The following ANK2 variants were observed in gnomAD, a reference collection of about 807,000 sequenced individuals.
The protein encoded by ANK2 is ankyrin 2.
In ANK2, 83 loss-of-function variants were observed where a neutral mutation model predicts 360.5. That is an observed-to-expected ratio of 0.23 (90% CI 0.19 to 0.28). ANK2 has a LOEUF of 0.28. Ranked by LOEUF, ANK2 falls within the 10% of genes least tolerant of loss-of-function variation. The pLI, the probability that ANK2 is intolerant of heterozygous loss-of-function variation, is 1.00. For missense variants in ANK2, 4,201 were observed against 4,795.7 expected (o/e 0.88, Z 3.66); for synonymous variants, 1,740 against 1,759.5 (o/e 0.99, Z 0.28).
chr4:113,070,140 C>T (rs935043010), intron 1 of ANK2: 5 of 152,116 alleles, frequency 3.3e-5, no homozygotes, highest in African/African-American at 9.7e-5. Context: ...ATAAACTCTC[C>T]GCTCCATGCC....
chr4:112,749,533 A>G, the ANK2 span, among the ~76,000 whole-genome samples: 1 of 152,184 alleles, frequency 6.6e-6, no homozygotes, highest in East Asian at 1.9e-4. Flanking sequence ...ACTTTTTCAG[A>G]GTCAGCAGTC....
intron 4 of ANK2, among the ~76,000 whole-genome samples, chr4:113,221,591 G>A (rs1204385460): frequency 1.3e-5 from 2 of 151,674 alleles, no homozygotes; most frequent in African/African-American, 4.8e-5. Context: ...CCCGGGAGGC[G>A]GAGGTTCCAG....
rs556100459 is a variant in ANK2, at chr4:113,039,821, T to C, written c.22-134595T>C. 5.9e-5 allele frequency among the ~76,000 whole-genome samples: 9 copies of C among 152,130 alleles called. No homozygotes were observed. The South Asian group carries it at 1.2e-3, about 21-fold the overall frequency. Reference sequence around the variant, plus strand: ...CTAACATTGGGATTCTTTGTCTTCTTGTAAATTCCATCACTCCATGGGTAC... The same window carrying C: ...CTAACATTGGGATTCTTTGTCTTCTCGTAAATTCCATCACTCCATGGGTAC... On this transcript the variant is annotated intron_variant, in intron 2 of 30. Transcript: ENST00000503271.
chr4:112,924,102 G>A (rs1270182647), intron 2 of ANK2, among the ~76,000 whole-genome samples: 1 of 152,072 alleles, frequency 6.6e-6, no homozygotes, highest in African/African-American at 2.4e-5. Context: ...TGGCGCAGTG[G>A]CTCACGCCTG....
At chr4:112,822,016 C>T (rs968806875) in intron 1 of ANK2, among the ~76,000 whole-genome samples, 2 of 152,060 alleles carry the variant, frequency 1.3e-5, no homozygotes, top group African/African-American at 2.4e-5. Context: ...GATCCACCCG[C>T]CTCAGCCTCC....
intron 2 of ANK2, among the ~76,000 whole-genome samples, chr4:113,036,224 C>A: frequency 6.7e-6 from 1 of 148,742 alleles, no homozygotes; most frequent in Non-Finnish European, 1.5e-5. Flanking sequence ...TGAAATGTAG[C>A]TTCATAGATT....
chr4:112,777,652 C>G, the ANK2 span, among the ~76,000 whole-genome samples: 2 of 145,126 alleles, frequency 1.4e-5, no homozygotes, highest in Non-Finnish European at 3.0e-5. Flanking sequence ...GAGTCTCGCT[C>G]TGTCACCCAG....
chr4:112,777,393 C>T, the ANK2 span, among the ~76,000 whole-genome samples: 1 of 152,118 alleles, frequency 6.6e-6, no homozygotes, highest in South Asian at 2.1e-4. Flanking sequence ...CACCTGCCAC[C>T]ACGTCCAGCT....
chr4:113,220,451 C>A (rs1001809417), intron 4 of ANK2, among the ~76,000 whole-genome samples: 1 of 152,146 alleles, frequency 6.6e-6, no homozygotes, highest in East Asian at 1.9e-4. Context: ...ACTTCTATAG[C>A]TTGGATATTC....
intron 2 of ANK2, among the ~76,000 whole-genome samples, chr4:113,038,061 C>G (rs943014992): frequency 1.3e-5 from 2 of 152,004 alleles, no homozygotes; most frequent in Admixed American, 6.6e-5. Context: ...TTATGATATA[C>G]TTTTGTTTCA....
intron 2 of ANK2, among the ~76,000 whole-genome samples, chr4:112,913,326 T>G (rs537176893): frequency 2.0e-5 from 3 of 152,232 alleles, no homozygotes; most frequent in Non-Finnish European, 4.4e-5. Flanking sequence ...TAATTATTTT[T>G]CCTGTTGAAT....
chr4:112,961,838 TAATGACTTGA>T (rs558676533), intron 2 of ANK2, among the ~76,000 whole-genome samples: 356 of 152,266 alleles, frequency 2.3e-3, no homozygotes, highest in Non-Finnish European at 4.2e-3. Context: ...CTGCCCATTA[TAATGACTTGA>T]AAACCTCTAA....
At chr4:113,190,731 A>G (rs2098647340) in intron 2 of ANK2, among the ~76,000 whole-genome samples, 1 of 152,168 alleles carries the variant, frequency 6.6e-6, no homozygotes. Context: ...ATAACTCAGA[A>G]TGTTCAGTTC....
chr4:113,032,814 C>T (rs2060696453), intron 2 of ANK2, among the ~76,000 whole-genome samples: 1 of 152,056 alleles, frequency 6.6e-6, no homozygotes, highest in African/African-American at 2.4e-5. Flanking sequence ...AGTTAGAATA[C>T]TCACTCAGGT....
intron 1 of ANK2, chr4:112,882,240 A>G (rs1226268437): frequency 6.5e-6 from 1 of 154,214 alleles, no homozygotes; most frequent in African/African-American, 2.4e-5. Flanking sequence ...AAGGACAAAT[A>G]TAGATAAGTA....
the ANK2 span, among the ~76,000 whole-genome samples, chr4:112,766,252 C>T: frequency 2.0e-5 from 3 of 151,010 alleles, no homozygotes; most frequent in Non-Finnish European, 4.4e-5. Context: ...ACCTGGGAGG[C>T]GGAGGTTGCA....
chr4:113,348,033 A>T (rs1333389209), intron 35 of ANK2: 12 of 535,078 alleles, frequency 2.2e-5, no homozygotes, highest in Non-Finnish European at 3.0e-5. Context: ...AGTATCTGGA[A>T]TTAGTATATT....
chr4:113,315,803 G>T (rs2082540183), intron 24 of ANK2, among the ~76,000 whole-genome samples: 1 of 150,894 alleles, frequency 6.6e-6, no homozygotes, highest in Admixed American at 6.6e-5. Flanking sequence ...GGAGGCTGAG[G>T]CAGGAGAATG....
chr4:113,202,655 A>G (rs912207486), intron 4 of ANK2, among the ~76,000 whole-genome samples: 6 of 152,232 alleles, frequency 3.9e-5, no homozygotes, highest in Admixed American at 2.6e-4. Flanking sequence ...AAAACCTTCA[A>G]GGAATATATT....
Sources: gnomAD v4.1 joint callset for allele counts (sites outside exome capture counted in the v4.1 genomes callset) on GRCh38, gnomAD v4.1.1 for gene constraint, MANE v1.5 for transcripts, NCBI Gene and HGNC (gene_info 2026-07-23, HGNC 2026-07-21) for gene names.